The following ABI2 variants were observed in gnomAD, a reference collection of about 807,000 sequenced individuals.
ABI2 encodes the protein abl interactor 2.
A neutral mutation model predicts 59.2 loss-of-function variants in ABI2; 25 were observed. The observed-to-expected ratio is 0.42, with a 90% CI of 0.31 to 0.59. The LOEUF is 0.59. Ranked by LOEUF, ABI2 falls within the 20% of genes least tolerant of loss-of-function variation. The probability of loss-of-function intolerance (pLI) is 0.14; values close to 1 mark genes in which losing one functional copy is unlikely to be tolerated. For missense variants in ABI2, 545 were observed against 681.8 expected (o/e 0.80, Z 2.23); for synonymous variants, 213 against 235.5 (o/e 0.90, Z 0.87).
At chr2:203,410,949 A>G (rs368862926) in intron 9 of ABI2, among the ~76,000 whole-genome samples, 2 of 150,946 alleles carry the variant, frequency 1.3e-5, no homozygotes, top group Non-Finnish European at 3.0e-5. Context: ...AAAAAGATCA[A>G]TTATATATAA....
At chr2:203,397,111 G>A (rs1040418712) in intron 8 of ABI2, 144 bp downstream of exon 8, 1 of 1,176,222 alleles carries the variant, frequency 8.5e-7, no homozygotes, top group Middle Eastern at 2.1e-4. Flanking sequence ...GAAAGTATGT[G>A]ACCAAAGATT....
intron 9 of ABI2, among the ~76,000 whole-genome samples, chr2:203,410,851 G>C (rs1364224523): frequency 6.6e-6 from 1 of 151,870 alleles, no homozygotes; most frequent in African/African-American, 2.4e-5. Flanking sequence ...ATTTAAACTT[G>C]TAACCTTCCA....
chr2:203,391,101 A>G lies in ABI2; in HGVS notation c.536A>G (p.Gln179Arg), dbSNP rs1316751588. 1.3e-5 allele frequency: 21 copies of G among 1,613,982 alleles called. No individual in the cohort carries two copies. The highest frequency in any genetic ancestry group is 1.2e-5 in the Non-Finnish European group (14 of 1,179,942). ...CTGCCGCGTACAACACCTCCAACTC[A>G]GAAGCCCCCTAGTCCCCCTATGTCA... ...GGLPRTTPPT[Q>R]KPPSPPMSGK... Residue 179 changes from glutamine to arginine, a missense_variant, in exon 5 of 12, where the codon CAG becomes CGG. Physicochemically the swap from Gln to Arg is conservative, Grantham distance 43. Around this residue, in one of 4 missense-constraint regions of ABI2, gnomAD observed 410 missense variants for 435.6 expected, o/e 0.94. Transcript: ENST00000261018.
intron 2 of ABI2, among the ~76,000 whole-genome samples, chr2:203,369,755 T>G (rs775580723): frequency 6.6e-6 from 1 of 152,144 alleles, no homozygotes; most frequent in African/African-American, 2.4e-5. Context: ...GGGTAATAGA[T>G]CTGCAATTCT....
intron 1 of ABI2, among the ~76,000 whole-genome samples, chr2:203,357,316 A>G (rs2092378604): frequency 6.6e-6 from 1 of 152,222 alleles, no homozygotes; most frequent in African/African-American, 2.4e-5. Context: ...CAAGTAAGAT[A>G]GTAGCAGAGC....
At chr2:203,387,542 G>A (rs890759342) in intron 4 of ABI2, among the ~76,000 whole-genome samples, 1 of 152,076 alleles carries the variant, frequency 6.6e-6, no homozygotes, top group East Asian at 1.9e-4. Context: ...CTTCTGTTTT[G>A]GAGGTTTCTG....
At chr2:203,366,485 C>T (rs561048314) in intron 1 of ABI2, among the ~76,000 whole-genome samples, 4 of 151,898 alleles carry the variant, frequency 2.6e-5, no homozygotes, top group African/African-American at 7.3e-5. Context: ...CCACATTTCA[C>T]ATATTAGAGT....
chr2:203,349,131 G>A (rs534877279), intron 1 of ABI2, among the ~76,000 whole-genome samples: 112 of 150,832 alleles, frequency 7.4e-4, no homozygotes, highest in African/African-American at 2.3e-3. Context: ...TTTTAGAGGT[G>A]GGCTTTTGCC....
At chr2:203,343,814 A>G (rs2152552693) in intron 1 of ABI2, among the ~76,000 whole-genome samples, 1 of 152,276 alleles carries the variant, frequency 6.6e-6, no homozygotes, top group East Asian at 1.9e-4. Context: ...CAAAAGTAAC[A>G]GTTTTTGTCC....
chr2:203,402,026 T>A (rs2097244409), intron 8 of ABI2, among the ~76,000 whole-genome samples: 1 of 152,158 alleles, frequency 6.6e-6, no homozygotes, highest in Non-Finnish European at 1.5e-5. Flanking sequence ...AATAATAGTG[T>A]TAAGTAGCAA....
intron 1 of ABI2, among the ~76,000 whole-genome samples, chr2:203,333,947 T>C (rs7590031): frequency 0.45 from 66,266 of 148,756 alleles, 16,332 homozygotes; most frequent in Middle Eastern, 0.7. Context: ...TTCTTTCTTT[T>C]TTTTTTTTTT....
chr2:203,396,716 A>T (rs2097004347), intron 7 of ABI2, 69 bp from the exon 8 acceptor site: 1 of 1,423,980 alleles, frequency 7.0e-7, no homozygotes, highest in Admixed American at 2.8e-5. Context: ...AAATACTCTA[A>T]TACCTTTTCT....
At chr2:203,414,349 G>C (rs944208695) in intron 10 of ABI2, among the ~76,000 whole-genome samples, 1 of 152,050 alleles carries the variant, frequency 6.6e-6, no homozygotes, top group African/African-American at 2.4e-5. Context: ...TGATCCTCCT[G>C]CCTCAGCCTC....
intron 4 of ABI2, among the ~76,000 whole-genome samples, chr2:203,385,157 C>CAG (rs10686349): frequency 0.73 from 63,706 of 87,332 alleles, 25,163 homozygotes; most frequent in Middle Eastern, 0.85. Context: ...TTTTTTGAGA[C>CAG]AGTCTTGCCG....
At chr2:203,417,450 A>C (rs1164454677) in intron 11 of ABI2, among the ~76,000 whole-genome samples, 2 of 152,214 alleles carry the variant, frequency 1.3e-5, no homozygotes, top group African/African-American at 4.8e-5. Context: ...CTTCAGTTTA[A>C]ATGTCTCCAC....
chr2:203,402,643 C>A lies in ABI2; in HGVS notation c.1101C>A (p.Gly367=), dbSNP rs756089115. The change falls in exon 9 of 12, where the codon GGC becomes GGA. Residue 367 remains glycine (G), a synonymous_variant. Transcript: ENST00000261018. ...GCCATACTCCCCCAACAATAGGGGG[C>A]TCGTTGCCCTATAGACGCCCTCCTT... ...ASRHTPPTIG[G]SLPYRRPPSI... 1 of 1,607,654 alleles carries A rather than the reference C, an allele frequency of 6.2e-7. No homozygotes were observed. Among genetic ancestry groups the A allele is most frequent in the Non-Finnish European group, 8.5e-7 (1 of 1,177,702 alleles).
At chr2:203,368,910 G>A (rs2094791671) in intron 2 of ABI2, among the ~76,000 whole-genome samples, 2 of 150,842 alleles carry the variant, frequency 1.3e-5, no homozygotes, top group African/African-American at 4.9e-5. Flanking sequence ...TCGAACTCCT[G>A]GGCTCAAGGG....
At chr2:203,340,156 A>G (rs1376276550) in intron 1 of ABI2, among the ~76,000 whole-genome samples, 2 of 152,206 alleles carry the variant, frequency 1.3e-5, no homozygotes, top group African/African-American at 4.8e-5. Flanking sequence ...CACTTATATG[A>G]GGAATCTAAA....
intron 1 of ABI2, among the ~76,000 whole-genome samples, chr2:203,344,172 T>A (rs538513857): frequency 9.8e-5 from 15 of 152,338 alleles, no homozygotes; most frequent in African/African-American, 3.6e-4. Context: ...TTCAACTGTT[T>A]AGAGACAGTC....
Sources: gnomAD v4.1 joint callset for allele counts (sites outside exome capture counted in the v4.1 genomes callset) on GRCh38, gnomAD v4.1.1 for gene constraint, gnomAD v4.1.1 regional missense constraint, MANE v1.5 for transcripts, NCBI Gene and HGNC (gene_info 2026-07-23, HGNC 2026-07-21) for gene names.